The following RPS6KC1 variants were observed in gnomAD, a reference collection of about 807,000 sequenced individuals.
The protein encoded by RPS6KC1 is ribosomal protein S6 kinase C1, also known as inactive ribosomal protein S6 kinase delta-1.
A neutral mutation model predicts 103.8 loss-of-function variants in RPS6KC1; 54 were observed. The observed-to-expected ratio is 0.52, with a 90% CI of 0.42 to 0.65. RPS6KC1 has a LOEUF of 0.65. Among genes scored for constraint, RPS6KC1 ranks in the 30% least tolerant of loss-of-function variants. The pLI, the probability that RPS6KC1 is intolerant of heterozygous loss-of-function variation, is 0.00. For synonymous variants in RPS6KC1, 439 were observed against 438.7 expected (o/e 1.00, Z -0.01); for missense variants, 1,151 against 1,253.8 (o/e 0.92, Z 1.24).
chr1:213,305,196 T>C, the RPS6KC1 span, among the ~76,000 whole-genome samples: 1 of 152,156 alleles, frequency 6.6e-6, no homozygotes, highest in Admixed American at 6.5e-5. Flanking sequence ...GTGATTCTTG[T>C]GCCTCAGCCT....
At chr1:213,203,884 A>C (rs185492112) in intron 8 of RPS6KC1, among the ~76,000 whole-genome samples, 2 of 152,372 alleles carry the variant, frequency 1.3e-5, no homozygotes. Flanking sequence ...CCTGTTAATT[A>C]GCGGGATGTC....
At chr1:213,363,808 T>C in the RPS6KC1 span, among the ~76,000 whole-genome samples, 648 of 99,010 alleles carry the variant, frequency 6.5e-3, 83 homozygotes, top group Middle Eastern at 0.036. Flanking sequence ...CTTTCTTTCT[T>C]TCTTTCTTCT....
At chr1:213,120,539 C>T (rs113451577) in intron 5 of RPS6KC1, among the ~76,000 whole-genome samples, 1,923 of 152,094 alleles carry the variant, frequency 0.013, 46 homozygotes, top group African/African-American at 0.044. Flanking sequence ...GCAGGAAAGC[C>T]AGCAGCCAGC....
intron 7 of RPS6KC1, among the ~76,000 whole-genome samples, chr1:213,170,841 C>T (rs2091419737): frequency 6.6e-6 from 1 of 152,148 alleles, no homozygotes; most frequent in African/African-American, 2.4e-5. Context: ...TATTTCACTT[C>T]TTTAACCATC....
At chr1:213,598,355 C>T in the RPS6KC1 span, among the ~76,000 whole-genome samples, 1 of 152,132 alleles carries the variant, frequency 6.6e-6, no homozygotes, top group Admixed American at 6.5e-5. Flanking sequence ...AAAATTGAAC[C>T]TGTTTTTAAC....
chr1:213,589,668 C>T, the RPS6KC1 span, among the ~76,000 whole-genome samples: 1 of 151,354 alleles, frequency 6.6e-6, no homozygotes, highest in African/African-American at 2.4e-5. Context: ...AATAGAATGG[C>T]TCATCAGTGG....
the RPS6KC1 span, among the ~76,000 whole-genome samples, chr1:213,542,890 C>T: frequency 6.6e-6 from 1 of 152,094 alleles, no homozygotes; most frequent in Non-Finnish European, 1.5e-5. Context: ...CTTGGGTCTC[C>T]CAAATTTCAG....
At chr1:213,805,470 C>A in the RPS6KC1 span, among the ~76,000 whole-genome samples, 28 of 152,182 alleles carry the variant, frequency 1.8e-4, no homozygotes, top group Non-Finnish European at 2.5e-4. Flanking sequence ...CTCAAAAAAA[C>A]CACTTTCTTT....
chr1:213,102,700 A>G (rs939464070), intron 3 of RPS6KC1, among the ~76,000 whole-genome samples: 1 of 152,204 alleles, frequency 6.6e-6, no homozygotes, highest in African/African-American at 2.4e-5. Flanking sequence ...AGTATACAGA[A>G]TGTTAGGAAT....
At chr1:213,366,528 C>T in the RPS6KC1 span, among the ~76,000 whole-genome samples, 2 of 152,232 alleles carry the variant, frequency 1.3e-5, no homozygotes, top group East Asian at 3.8e-4. Flanking sequence ...GCCACACAGT[C>T]TCCATCATTC....
the RPS6KC1 span, among the ~76,000 whole-genome samples, chr1:213,651,317 A>T: frequency 2.6e-5 from 4 of 152,184 alleles, no homozygotes; most frequent in Non-Finnish European, 5.9e-5. Flanking sequence ...GGGAGGAGAG[A>T]GGAGATGTGG....
the RPS6KC1 span, among the ~76,000 whole-genome samples, chr1:213,363,659 T>TTTCTTTCG: frequency 2.1e-5 from 2 of 95,034 alleles, no homozygotes; most frequent in Non-Finnish European, 2.0e-5. Flanking sequence ...TCTTTCTTTC[T>TTTCTTTCG]TTCTTTCTTT....
the RPS6KC1 span, among the ~76,000 whole-genome samples, chr1:213,737,708 T>A: frequency 6.6e-6 from 1 of 152,144 alleles, no homozygotes; most frequent in Non-Finnish European, 1.5e-5. Flanking sequence ...GGTGGTCCAA[T>A]TCACTAATCA....
the RPS6KC1 span, among the ~76,000 whole-genome samples, chr1:213,307,283 C>T: frequency 2.0e-4 from 31 of 152,046 alleles, no homozygotes; most frequent in Non-Finnish European, 3.2e-4. Context: ...AATCTCCTGA[C>T]CTGATGATCC....
At chr1:213,278,161 C>T (rs1040254390), downstream of RPS6KC1, among the ~76,000 whole-genome samples, 1 of 151,590 alleles carries the variant, frequency 6.6e-6, no homozygotes. Flanking sequence ...ACCACGATCA[C>T]ACCACTGTAC....
chr1:213,250,323 G>A (rs756077469), intron 12 of RPS6KC1, among the ~76,000 whole-genome samples: 2 of 152,112 alleles, frequency 1.3e-5, no homozygotes, highest in Non-Finnish European at 2.9e-5. Context: ...TGGATAATAC[G>A]CTAATTAGAG....
chr1:213,650,911 C>A, the RPS6KC1 span, among the ~76,000 whole-genome samples: 1 of 134,024 alleles, frequency 7.5e-6, no homozygotes, highest in African/African-American at 2.9e-5. Flanking sequence ...ACAAATTTTT[C>A]ATGGCAACTT....
At chr1:213,706,506 A>G in the RPS6KC1 span, among the ~76,000 whole-genome samples, 1 of 152,176 alleles carries the variant, frequency 6.6e-6, no homozygotes, top group African/African-American at 2.4e-5. Flanking sequence ...CTCCTTCAAC[A>G]ATATGTAGTT....
chr1:213,532,776 C>A, the RPS6KC1 span, among the ~76,000 whole-genome samples: 2 of 152,184 alleles, frequency 1.3e-5, no homozygotes, highest in Non-Finnish European at 2.9e-5. Flanking sequence ...CAAGCAACTG[C>A]GTCATGGATT....
Sources: allele counts gnomAD v4.1 joint callset (sites outside exome capture counted in the v4.1 genomes callset), GRCh38; gene constraint gnomAD v4.1.1; transcripts MANE v1.5; gene names NCBI Gene and HGNC (gene_info 2026-07-23, HGNC 2026-07-21).